SLC25A23: variants seen among roughly 807,000 people sequenced by gnomAD.
SLC25A23 encodes the protein mitochondrial adenyl nucleotide antiporter SLC25A23.
SLC25A23 carries 32 observed loss-of-function variants against 53.9 expected under a neutral mutation model. The observed-to-expected ratio is 0.59, with a 90% CI of 0.45 to 0.80. The LOEUF is 0.80. Among genes scored for constraint, SLC25A23 ranks in the 30% least tolerant of loss-of-function variants. The pLI, the probability that SLC25A23 is intolerant of heterozygous loss-of-function variation, is 0.00. For synonymous variants in SLC25A23, 275 were observed against 264.5 expected (o/e 1.04, Z -0.38); for missense variants, 575 against 651.4 (o/e 0.88, Z 1.28).
chr19:6,449,466 G>A (rs986177099), intron 8 of SLC25A23, among the ~76,000 whole-genome samples: 4 of 151,494 alleles, frequency 2.6e-5, no homozygotes, highest in Non-Finnish European at 5.9e-5. Flanking sequence ...CCAGGCTGGA[G>A]TGCAGTGGCA....
In SLC25A23 at chr19:6,441,677, G is replaced by A; in HGVS notation, c.*298C>T. On this transcript the variant is annotated 3_prime_UTR_variant, in exon 10 of 10. Transcript: ENST00000301454. The stretch of plus-strand genomic sequence containing the variant: ...GGATAATCTTGAATCTTGTGGTTAG[G>A]GTAGCAGACTTGAGTTGCTGAAGTA... 1 of 439,092 alleles carries A rather than the reference G, an allele frequency of 2.3e-6. No homozygotes were observed. The highest frequency in any genetic ancestry group is 4.2e-6 in the Non-Finnish European group (1 of 237,428). The allele number at this position is 439,092 out of a possible 1,614,324, so 27.2% of individuals were successfully genotyped here. A position where few individuals can be genotyped will look rare whatever the true frequency, so the allele number is the denominator to read the frequency against.
chr19:6,436,657 C>A (rs1285237937), downstream of SLC25A23, among the ~76,000 whole-genome samples: 2 of 150,954 alleles, frequency 1.3e-5, no homozygotes, highest in African/African-American at 4.9e-5. Context: ...TCAAGCAATT[C>A]TCCTGCCTCA....
At chr19:6,456,890 G>A (rs958890669) in intron 3 of SLC25A23, among the ~76,000 whole-genome samples, 5 of 151,862 alleles carry the variant, frequency 3.3e-5, no homozygotes. Flanking sequence ...ATATTGGCCA[G>A]GATGGTCTCC....
At position 6,455,946 on chromosome 19, in the gene SLC25A23, C is replaced by T. The variant is rs1021288935; in HGVS notation, c.483+474G>A. The T allele has an allele frequency of 4.6e-5, 52 of 1,122,866 alleles. No homozygotes were observed. In the African/African-American group the frequency reaches 8.1e-4, roughly 17 times the overall value. The allele number at this position is 1,122,866 out of a possible 1,614,324, so 69.6% of individuals were successfully genotyped here. On this transcript the variant is annotated intron_variant, in intron 4 of 9. Transcript: ENST00000301454. ...ATGTTAGCCAGGATGGTCGCGATCG[C>T]CTGACCTCGTGATCCGCCCACTTCG...
chr19:6,448,341 T>G (rs2092536729), intron 8 of SLC25A23, among the ~76,000 whole-genome samples: 1 of 152,200 alleles, frequency 6.6e-6, no homozygotes, highest in African/African-American at 2.4e-5. Context: ...CCTTTGAAAT[T>G]TTAGAAGCCT....
At position 6,441,272 on chromosome 19, in the gene SLC25A23, G is replaced by GATGGGGGCCCCGGGATCCAGTA. The variant is rs1270799768; in HGVS notation, c.*702_*703insTACTGGATCCCGGGGCCCCCAT. ...GGAGTGAGGGGATCTGGGATCCAGTGATGGGGGCCCCAGGATCCAGGCATT... is the reference window on the plus strand; with the variant it reads ...GGAGTGAGGGGATCTGGGATCCAGTGATGGGGGCCCCGGGATCCAGTAATGGGGGCCCCAGGATCCAGGCATT... On this transcript the variant is annotated 3_prime_UTR_variant, in exon 10 of 10. Coordinates refer to ENST00000301454, the MANE Select transcript of SLC25A23 (RefSeq NM_024103.3). 6.5e-6 allele frequency: 1 copy of GATGGGGGCCCCGGGATCCAGTA among 152,676 alleles called. No homozygotes were observed. The highest frequency in any genetic ancestry group is 1.5e-5 in the Non-Finnish European group (1 of 68,294). The allele number at this position is 152,676 out of a possible 1,614,324, so 9.5% of individuals were successfully genotyped here.
At chr19:6,456,016 G>A in intron 4 of SLC25A23, 1 of 1,299,534 alleles carries the variant, frequency 7.7e-7, no homozygotes, top group Non-Finnish European at 1.0e-6. Context: ...ACTGCGCCTG[G>A]CCAAGACCGT....
chr19:6,444,014 A>G, intron 9 of SLC25A23, 137 bp downstream of exon 9: 1 of 911,014 alleles, frequency 1.1e-6, no homozygotes, highest in Non-Finnish European at 1.6e-6. Flanking sequence ...TCCCATTTCA[A>G]TGTCACAAAT....
rs2092416161 is a variant in SLC25A23 at position 6,441,203 on chromosome 19, A to G, written c.*772T>C. On this transcript the variant is annotated 3_prime_UTR_variant, in exon 10 of 10. Transcript: ENST00000301454. ...GATCTGAGACCCAGTGTCGAGGTTA[A>G]AAAAAAACAAAAAACCAAAAACCAA... The G allele has an allele frequency of 6.6e-6, 1 of 152,010 alleles. No individual in the cohort carries two copies. The highest frequency in any genetic ancestry group is 2.1e-4 in the South Asian group (1 of 4,818). The allele number at this position is 152,010 out of a possible 1,614,324, so 9.4% of individuals were successfully genotyped here.
chr19:6,444,146 C>G lies in SLC25A23; in HGVS notation c.1222+5G>C, dbSNP rs1375527332. The stretch of plus-strand genomic sequence containing the variant: ...CCCTGCCCCATCCTCCCGCCCAGGC[C>G]TCACCTTGTGCCTGCATGCGGGTCC... On this transcript the variant is annotated splice_donor_5th_base_variant and intron_variant, in intron 9 of 9. Coordinates refer to ENST00000301454, the MANE Select transcript of SLC25A23 (RefSeq NM_024103.3). The G allele has an allele frequency of 1.3e-6, 2 of 1,569,546 alleles. No individual in the cohort carries two copies. The highest frequency in any genetic ancestry group is 1.7e-6 in the Non-Finnish European group (2 of 1,153,830).
intron 3 of SLC25A23, 61 bp downstream of exon 3, chr19:6,457,442 A>G: frequency 6.9e-7 from 1 of 1,456,902 alleles, no homozygotes; most frequent in African/African-American, 1.4e-5. Flanking sequence ...CAGAAGACAG[A>G]GATGGCCAAG....
rs768426282 is a variant in SLC25A23, at chr19:6,459,635, C to T, written c.-7G>A. ...CGCCCGGGCTCCCCCGCATGGCGCC[C>T]GCCCGGGGGGGAGGGGAGGCCCGGC... is the stretch of plus-strand genomic sequence containing the variant. On this transcript the variant is annotated 5_prime_UTR_variant, in exon 1 of 10. Transcript: ENST00000301454. The surrounding 1 kb of genome is among the most constrained non-coding windows in gnomAD (Gnocchi z 4.6). 1.1e-5 allele frequency: 16 copies of T among 1,454,730 alleles called. No individual in the cohort carries two copies. The highest frequency in any genetic ancestry group is 1.9e-4 in the Middle Eastern group (1 of 5,386). 90.1% of individuals were successfully genotyped at this position (1,454,730 alleles called of 1,614,324 possible). A position where few individuals can be genotyped will look rare whatever the true frequency, so the allele number is the denominator to read the frequency against.
intron 4 of SLC25A23, chr19:6,456,003 G>C: frequency 1.5e-6 from 2 of 1,294,992 alleles, no homozygotes; most frequent in Non-Finnish European, 2.0e-6. Flanking sequence ...TTAGGTGTGA[G>C]CCACTGCGCC....
chr19:6,453,806 A>G (rs6510902), intron 7 of SLC25A23, among the ~76,000 whole-genome samples, 175 bp downstream of exon 7: 4,508 of 152,308 alleles, frequency 0.03, 225 homozygotes, highest in African/African-American at 0.1. Context: ...ATTATATCTC[A>G]GTTGTAATAC....
Position 6,440,541 on chromosome 19 carries a change from G to C in SLC25A23, c.*1434C>G, listed in dbSNP as rs1029858110. Reference sequence around the variant, plus strand: ...AGCCTCCAGGAGTGAGTGATTCCTCGGACCCCTTGGAGGAACACAGCTCTG... The same window carrying C: ...AGCCTCCAGGAGTGAGTGATTCCTCCGACCCCTTGGAGGAACACAGCTCTG... On this transcript the variant is annotated 3_prime_UTR_variant, in exon 10 of 10. Coordinates refer to ENST00000301454, the MANE Select transcript of SLC25A23 (RefSeq NM_024103.3). 2 of 151,112 alleles carry C rather than the reference G, an allele frequency of 1.3e-5. No individual in the cohort carries two copies. Among genetic ancestry groups the C allele is most frequent in the Non-Finnish European group, 2.9e-5 (2 of 67,800 alleles). 9.4% of individuals were successfully genotyped at this position (151,112 alleles called of 1,614,324 possible).
chr19:6,444,089 G>A (rs2092467079), intron 9 of SLC25A23, 62 bp downstream of exon 9: 1 of 1,456,080 alleles, frequency 6.9e-7, no homozygotes, highest in African/African-American at 1.4e-5. Context: ...GGCTCTACTT[G>A]GGAGAAGCTG....
rs2092411999 is a variant in SLC25A23 at position 6,440,896 on chromosome 19, G to C, written c.*1079C>G. 1.3e-5 allele frequency: 2 copies of C among 152,410 alleles called. No individual in the cohort carries two copies. Among genetic ancestry groups the C allele is most frequent in the Admixed American group, 1.3e-4 (2 of 15,262 alleles). The allele number at this position is 152,410 out of a possible 1,614,324, so 9.4% of individuals were successfully genotyped here. The stretch of plus-strand genomic sequence containing the variant: ...CCCGGCGCCTGGAAGATTCAGATCA[G>C]AAACCGGGGATTCAGGGCTTGGGAT... On this transcript the variant is annotated 3_prime_UTR_variant, in exon 10 of 10. Coordinates refer to ENST00000301454, the MANE Select transcript of SLC25A23 (RefSeq NM_024103.3).
intron 2 of SLC25A23, 139 bp from the exon 3 acceptor site, chr19:6,457,729 G>A: frequency 1.4e-6 from 1 of 698,276 alleles, no homozygotes; most frequent in Non-Finnish European, 2.5e-6. Flanking sequence ...GAGGTTTGCA[G>A]TAGGGCTGTG....
chr19:6,448,619 C>G (rs2092541686), intron 8 of SLC25A23, among the ~76,000 whole-genome samples: 1 of 151,776 alleles, frequency 6.6e-6, no homozygotes, highest in South Asian at 2.1e-4. Flanking sequence ...TACAGGTGCC[C>G]ACCACCACGC....
Sources: allele counts gnomAD v4.1 joint callset (sites outside exome capture counted in the v4.1 genomes callset), GRCh38; gene constraint gnomAD v4.1.1; non-coding constraint Gnocchi (gnomAD v3.1); transcripts MANE v1.5; gene names NCBI Gene and HGNC (gene_info 2026-07-23, HGNC 2026-07-21).